The following LRATD1 variants were observed in gnomAD, a reference collection of about 807,000 sequenced individuals.
LRATD1 encodes the protein LRAT domain containing 1, also known as protein LRATD1.
Under a neutral mutation model 21.3 loss-of-function variants are expected in LRATD1, and 8 were observed. That is an observed-to-expected ratio of 0.38 (90% CI 0.22 to 0.68). The LOEUF (loss-of-function observed/expected upper bound fraction) is 0.68. Ranked by LOEUF, LRATD1 falls within the 30% of genes least tolerant of loss-of-function variation. The pLI is 0.54. For synonymous variants in LRATD1, 210 were observed against 186.2 expected, an observed-to-expected ratio of 1.13 and a Z score of -1.04; for missense variants, 380 against 404.0, an observed-to-expected ratio of 0.94 and a Z score of 0.51.
rs1003661549 is a variant in LRATD1, at chr2:14,635,285, C to A, written c.*427C>A. On this transcript the variant is annotated 3_prime_UTR_variant, in exon 2 of 2. Coordinates refer to ENST00000295092, the MANE Select transcript of LRATD1 (RefSeq NM_145175.4). Reference sequence around the variant, plus strand: ...CCGCCCCGAGCGTGCGCACACAGACCGGTCGGAGGCGAGAACTGGTCTCTA... The same window carrying A: ...CCGCCCCGAGCGTGCGCACACAGACAGGTCGGAGGCGAGAACTGGTCTCTA... 7 of 493,340 alleles carry A rather than the reference C, an allele frequency of 1.4e-5. No homozygotes were observed. The highest frequency in any genetic ancestry group is 2.3e-5 in the Admixed American group (1 of 43,124). The allele number at this position is 493,340 out of a possible 1,614,324, so 30.6% of individuals were successfully genotyped here. A position where few individuals can be genotyped will look rare whatever the true frequency, so the allele number is the denominator to read the frequency against.
rs1671723133 is a variant in LRATD1, at chr2:14,637,910, T to C, written c.*3052T>C. 6.0e-6 allele frequency: 1 copy of C among 167,006 alleles called. No individual in the cohort carries two copies. The highest frequency in any genetic ancestry group is 1.5e-5 in the Non-Finnish European group (1 of 68,100). 10.3% of individuals were successfully genotyped at this position (167,006 alleles called of 1,614,324 possible). A position where few individuals can be genotyped will look rare whatever the true frequency, so the allele number is the denominator to read the frequency against. On this transcript the variant is annotated 3_prime_UTR_variant, in exon 2 of 2. Transcript: ENST00000295092. ...AGGGATTTCGTTTTGGTTTTAGTTG[T>C]CCTCAAGAGACAACAGGTTCACAGT...
rs1161358805 is a variant in LRATD1 at position 14,638,002 on chromosome 2, A to G, written c.*3144A>G. ...CTGTTCCCCCTGCTCCCGTGTAGAG[A>G]AAAGCTATATTTATACTGCATTCTT... On this transcript the variant is annotated 3_prime_UTR_variant, in exon 2 of 2. Transcript: ENST00000295092. 2 of 166,970 alleles carry G rather than the reference A, an allele frequency of 1.2e-5. No homozygotes were observed. Among genetic ancestry groups the G allele is most frequent in the African/African-American group, 4.8e-5 (2 of 41,414 alleles). The allele number at this position is 166,970 out of a possible 1,614,324, so 10.3% of individuals were successfully genotyped here. A position where few individuals can be genotyped will look rare whatever the true frequency, so the allele number is the denominator to read the frequency against.
At position 14,635,071 on chromosome 2, in the gene LRATD1, C is replaced by T; in HGVS notation, c.*213C>T. 1.3e-6 allele frequency: 1 copy of T among 766,842 alleles called. No individual in the cohort carries two copies. Among genetic ancestry groups the T allele is most frequent in the Non-Finnish European group, 2.3e-6 (1 of 439,792 alleles). 47.5% of individuals were successfully genotyped at this position (766,842 alleles called of 1,614,324 possible). A position where few individuals can be genotyped will look rare whatever the true frequency, so the allele number is the denominator to read the frequency against. On this transcript the variant is annotated 3_prime_UTR_variant, in exon 2 of 2. Transcript: ENST00000295092. ...CCCCAGGGCCGAAAGGGCGCCGCTG[C>T]GAGCGCCTGGCTGACAGCCACAGCG...
At chr2:14,640,211 A>T (rs1416012634), downstream of LRATD1, among the ~76,000 whole-genome samples, 1 of 152,212 alleles carries the variant, frequency 6.6e-6, no homozygotes, top group Non-Finnish European at 1.5e-5. Context: ...AGCTCTTGCT[A>T]AAAATTTTCT....
rs1275148249 is a variant in LRATD1, at chr2:14,635,279, A to C, written c.*421A>C. On this transcript the variant is annotated 3_prime_UTR_variant, in exon 2 of 2. Transcript: ENST00000295092. ...CCATCACCGCCCCGAGCGTGCGCACACAGACCGGTCGGAGGCGAGAACTGG... is the reference window on the plus strand; with the variant it reads ...CCATCACCGCCCCGAGCGTGCGCACCCAGACCGGTCGGAGGCGAGAACTGG... 6.0e-6 allele frequency: 3 copies of C among 497,248 alleles called. No individual in the cohort carries two copies. Among genetic ancestry groups the C allele is most frequent in the Admixed American group, 2.3e-5 (1 of 43,254 alleles). 30.8% of individuals were successfully genotyped at this position (497,248 alleles called of 1,614,324 possible).
In LRATD1 at chr2:14,634,354, G is replaced by T; in HGVS notation, c.375G>T (p.Leu125=). 1 of 1,577,894 alleles carries T rather than the reference G, an allele frequency of 6.3e-7. No individual in the cohort carries two copies. The highest frequency in any genetic ancestry group is 8.6e-7 in the Non-Finnish European group (1 of 1,164,446). ...CAGCGCTCTGCGAACCCGGCGACCT[G>T]CTGGAGCTGCTGTGGCTGCAGCCCG... ...ALPALCEPGD[L]LELLWLQPAP... Residue 125 remains leucine (L), a synonymous_variant, in exon 2 of 2, where the codon CTG becomes CTT. Coordinates refer to ENST00000295092, the MANE Select transcript of LRATD1 (RefSeq NM_145175.4).
downstream of LRATD1, among the ~76,000 whole-genome samples, chr2:14,645,040 C>T (rs1671870954): frequency 6.6e-6 from 1 of 152,142 alleles, no homozygotes; most frequent in African/African-American, 2.4e-5. Flanking sequence ...TTAAAATGGC[C>T]TTCTGAAGGA....
rs1335622039 is a variant in LRATD1 at position 14,639,660 on chromosome 2, A to G, written c.*4802A>G. 1 of 167,160 alleles carries G rather than the reference A, an allele frequency of 6.0e-6. No individual in the cohort carries two copies. The allele number at this position is 167,160 out of a possible 1,614,324, so 10.4% of individuals were successfully genotyped here. ...CCCTGCCCTTGTCACTGATGGTGAC[A>G]CTACTTGTAATTACTGTATTTTTTG... On this transcript the variant is annotated 3_prime_UTR_variant, in exon 2 of 2. Transcript: ENST00000295092.
At position 14,638,380 on chromosome 2, in the gene LRATD1, A is replaced by T. The variant is rs1403698950; in HGVS notation, c.*3522A>T. The T allele has an allele frequency of 6.0e-6, 1 of 167,024 alleles. No homozygotes were observed. The highest frequency in any genetic ancestry group is 1.5e-5 in the Non-Finnish European group (1 of 68,094). 10.3% of individuals were successfully genotyped at this position (167,024 alleles called of 1,614,324 possible). A position where few individuals can be genotyped will look rare whatever the true frequency, so the allele number is the denominator to read the frequency against. The stretch of plus-strand genomic sequence containing the variant: ...TATAGTTACGAAACACTTGTGCCAG[A>T]TTAGAACATCAAGCACAGAAGCAGC... On this transcript the variant is annotated 3_prime_UTR_variant, in exon 2 of 2. Coordinates refer to ENST00000295092, the MANE Select transcript of LRATD1 (RefSeq NM_145175.4).
chr2:14,649,437 C>T (rs1671963555), exon 5 of LRATD1: 2 of 449,818 alleles, frequency 4.4e-6, no homozygotes, highest in South Asian at 1.6e-5. Flanking sequence ...CAACCATATC[C>T]TCCCTCCTGT....
rs1671616755 is a variant in LRATD1, at chr2:14,634,066, GCGGGT to G, written c.92_96del (p.Val31GlyfsTer8). On this transcript the variant is annotated frameshift_variant, in exon 2 of 2. Transcript: ENST00000295092. LOFTEE classifies it high-confidence loss of function. ...CGTCGGGGATTGAAAAGGACGAACT[GCGGGT>G]CGGGGTTGCCTACTTCTTCTCGGAT... 1 of 1,614,024 alleles carries G rather than the reference GCGGGT, an allele frequency of 6.2e-7. No individual in the cohort carries two copies. Among genetic ancestry groups the G allele is most frequent in the African/African-American group, 1.3e-5 (1 of 74,934 alleles).
rs1424805749 is a variant in LRATD1 at position 14,638,043 on chromosome 2, AAAAC to A, written c.*3190_*3193del. ...CTGCATTCTTTCTCAACTTTCAGGTAAAACAAACTATGATTTAAAAAAAGAAAAA... is the reference window on the plus strand; with the variant it reads ...CTGCATTCTTTCTCAACTTTCAGGTAAAACTATGATTTAAAAAAAGAAAAA... On this transcript the variant is annotated 3_prime_UTR_variant, in exon 2 of 2. Transcript: ENST00000295092. 6.0e-6 allele frequency: 1 copy of A among 166,900 alleles called. No homozygotes were observed. Among genetic ancestry groups the A allele is most frequent in the East Asian group, 1.9e-4 (1 of 5,196 alleles). The allele number at this position is 166,900 out of a possible 1,614,324, so 10.3% of individuals were successfully genotyped here.
rs562761110 is a variant in LRATD1 at position 14,634,888 on chromosome 2, C to T, written c.*30C>T. On this transcript the variant is annotated 3_prime_UTR_variant, in exon 2 of 2. Coordinates refer to ENST00000295092, the MANE Select transcript of LRATD1 (RefSeq NM_145175.4). ...CTAGGGGCTGCCGGCCCCTCTGCCT[C>T]CCCCGCACCTCGCTCCCTTCCCTTC... 2.0e-5 allele frequency: 32 copies of T among 1,592,544 alleles called. No individual in the cohort carries two copies. The highest frequency in any genetic ancestry group is 2.7e-5 in the Non-Finnish European group (31 of 1,167,698).
chr2:14,648,014 C>G (rs1024314475), intron 4 of LRATD1, among the ~76,000 whole-genome samples: 8 of 152,134 alleles, frequency 5.3e-5, no homozygotes, highest in African/African-American at 1.9e-4. Context: ...CCAATGCTTA[C>G]AGTTAACTTC....
chr2:14,649,621 T>A (rs549348005), exon 6 of LRATD1: 10 of 313,806 alleles, frequency 3.2e-5, no homozygotes, highest in Non-Finnish European at 4.4e-5. Flanking sequence ...GGAATCCTAA[T>A]GAAGGAAACT....
Position 14,634,988 on chromosome 2 carries a change from C to T in LRATD1, c.*130C>T. ...GCCACGCGCGTCCGCCGCCGGTGGC[C>T]CGGGCCCGGGCTGCACCCCCGCATC... On this transcript the variant is annotated 3_prime_UTR_variant, in exon 2 of 2. Coordinates refer to ENST00000295092, the MANE Select transcript of LRATD1 (RefSeq NM_145175.4). The T allele has an allele frequency of 8.0e-7, 1 of 1,252,220 alleles. No individual in the cohort carries two copies. 77.6% of individuals were successfully genotyped at this position (1,252,220 alleles called of 1,614,324 possible). A position where few individuals can be genotyped will look rare whatever the true frequency, so the allele number is the denominator to read the frequency against.
In LRATD1 at chr2:14,633,890, C is replaced by A; in HGVS notation, c.-36-54C>A. 6.7e-7 allele frequency: 1 copy of A among 1,486,998 alleles called. No individual in the cohort carries two copies. The allele number at this position is 1,486,998 out of a possible 1,614,324, so 92.1% of individuals were successfully genotyped here. A position where few individuals can be genotyped will look rare whatever the true frequency, so the allele number is the denominator to read the frequency against. On this transcript the variant is annotated intron_variant, in intron 1 of 1. Transcript: ENST00000295092. This position sits in a 1 kb window ranked among gnomAD's most constrained non-coding sequence, Gnocchi z 7.5. Reference sequence around the variant, plus strand: ...CACTGCACGTCTTGGGGAGGGACACCGAAAGGGGCAGCCCGGACTCTGACG... The same window carrying A: ...CACTGCACGTCTTGGGGAGGGACACAGAAAGGGGCAGCCCGGACTCTGACG...
Position 14,647,528 on chromosome 2 carries a change from A to C in LRATD1, n.436+1063A>C, listed in dbSNP as rs1671915391. Among the ~76,000 whole-genome samples the C allele has an allele frequency of 2.6e-5, 4 of 152,006 alleles. No homozygotes were observed. In the South Asian group the frequency reaches 8.3e-4, roughly 32 times the overall value. On this transcript the variant is annotated intron_variant and non_coding_transcript_variant, in intron 4 of 5. Transcript: ENST00000464947. ...CCATATGTTGAAATCCTAACCCCCAAAGTGATGATATTAGGAGATGGGGCC... is the reference window on the plus strand; with the variant it reads ...CCATATGTTGAAATCCTAACCCCCACAGTGATGATATTAGGAGATGGGGCC...
rs554313777 is a variant in LRATD1, at chr2:14,635,105, G to C, written c.*247G>C. 2.8e-6 allele frequency: 2 copies of C among 707,894 alleles called. No homozygotes were observed. Among genetic ancestry groups the C allele is most frequent in the Admixed American group, 2.0e-5 (1 of 48,994 alleles). The allele number at this position is 707,894 out of a possible 1,614,324, so 43.9% of individuals were successfully genotyped here. ...GGCTGACAGCCACAGCGGTGGTGAC[G>C]GTGCTGGGAGACCCCGCGTGCGCTT... On this transcript the variant is annotated 3_prime_UTR_variant, in exon 2 of 2. Transcript: ENST00000295092.
Sources: gnomAD v4.1 joint callset for allele counts (sites outside exome capture counted in the v4.1 genomes callset) on GRCh38, gnomAD v4.1.1 for gene constraint, Gnocchi (gnomAD v3.1) non-coding constraint, MANE v1.5 for transcripts, NCBI Gene and HGNC (gene_info 2026-07-23, HGNC 2026-07-21) for gene names.